Variants in MACROD2 observed in about 807,000 individuals in gnomAD.
The protein encoded by MACROD2 is mono-ADP ribosylhydrolase 2.
Under a neutral mutation model 70.4 loss-of-function variants are expected in MACROD2, and 36 were observed. That is an observed-to-expected ratio of 0.51 (90% CI 0.39 to 0.68). The LOEUF is 0.68. Ranked by LOEUF, MACROD2 falls within the 30% of genes least tolerant of loss-of-function variation. The pLI, the probability that MACROD2 is intolerant of heterozygous loss-of-function variation, is 0.00. For synonymous variants in MACROD2, 172 were observed against 178.8 expected (o/e 0.96, Z 0.30); for missense variants, 496 against 538.4 (o/e 0.92, Z 0.78).
intron 5 of MACROD2, among the ~76,000 whole-genome samples, chr20:15,191,931 TAG>T (rs10638417): frequency 2.8e-5 from 4 of 142,282 alleles, no homozygotes; most frequent in South Asian, 2.3e-4. Context: ...TATATATATA[TAG>T]AGAGAGAGAG....
At chr20:14,624,631 C>T (rs779315229) in intron 4 of MACROD2, among the ~76,000 whole-genome samples, 24 of 152,174 alleles carry the variant, frequency 1.6e-4, no homozygotes, top group Non-Finnish European at 3.2e-4. Context: ...GAAACTACTA[C>T]ATCTGGGATT....
intron 8 of MACROD2, among the ~76,000 whole-genome samples, chr20:15,812,831 A>G (rs1275053080): frequency 6.6e-6 from 1 of 152,156 alleles, no homozygotes; most frequent in Admixed American, 6.6e-5. Flanking sequence ...TTCATAAATA[A>G]TTTTCTAGAG....
intron 3 of MACROD2, among the ~76,000 whole-genome samples, chr20:14,233,596 C>T (rs2081839831): frequency 6.8e-6 from 1 of 147,936 alleles, no homozygotes. Context: ...ACTCGGGAGG[C>T]TGAGGCAGGA....
chr20:14,526,224 A>T (rs1410884371), intron 4 of MACROD2, among the ~76,000 whole-genome samples: 2 of 152,214 alleles, frequency 1.3e-5, no homozygotes, highest in African/African-American at 2.4e-5. Context: ...ATTTTTTCAT[A>T]CTGTCTCTAA....
chr20:15,547,419 A>G (rs148253917), intron 8 of MACROD2, among the ~76,000 whole-genome samples: 118 of 152,164 alleles, frequency 7.8e-4, no homozygotes, highest in Middle Eastern at 3.4e-3. Flanking sequence ...TCCCCTAACA[A>G]TCTGTCCATG....
At chr20:15,638,890 G>C (rs1373330265) in intron 8 of MACROD2, among the ~76,000 whole-genome samples, 1 of 152,174 alleles carries the variant, frequency 6.6e-6, no homozygotes, top group Admixed American at 6.5e-5. Flanking sequence ...ACTCCATCCG[G>C]AACAGAGTTG....
At chr20:15,327,186 A>G (rs1191909265) in intron 6 of MACROD2, among the ~76,000 whole-genome samples, 1 of 152,160 alleles carries the variant, frequency 6.6e-6, no homozygotes, top group East Asian at 1.9e-4. Context: ...TAATCTAATA[A>G]TAACAAACTG....
chr20:15,393,090 G>A (rs1403925929), intron 6 of MACROD2, among the ~76,000 whole-genome samples: 26 of 151,944 alleles, frequency 1.7e-4, no homozygotes, highest in Admixed American at 1.6e-3. Context: ...TCTAAGAGTG[G>A]CCTATAATTC....
chr20:15,010,290 T>C (rs1006639816), intron 5 of MACROD2, among the ~76,000 whole-genome samples: 2 of 152,188 alleles, frequency 1.3e-5, no homozygotes, highest in Admixed American at 1.3e-4. Context: ...GCCACTTAGG[T>C]AGTTACACAT....
At chr20:14,160,995 C>T (rs1490913263) in intron 3 of MACROD2, among the ~76,000 whole-genome samples, 1 of 152,052 alleles carries the variant, frequency 6.6e-6, no homozygotes, top group African/African-American at 2.4e-5. Flanking sequence ...CCCTTACACC[C>T]TCTCTCCTTT....
chr20:15,877,070 A>C (rs573678440), intron 9 of MACROD2, among the ~76,000 whole-genome samples: 1 of 152,170 alleles, frequency 6.6e-6, no homozygotes, highest in Admixed American at 6.6e-5. Context: ...ATTTGATCAC[A>C]TGACCCTTTA....
At chr20:14,751,693 G>A (rs1203310452) in intron 5 of MACROD2, among the ~76,000 whole-genome samples, 3 of 152,140 alleles carry the variant, frequency 2.0e-5, no homozygotes, top group Admixed American at 1.3e-4. Flanking sequence ...CTCATGGGAA[G>A]AGCAGAAGCA....
At chr20:14,775,594 T>C (rs573785190) in intron 5 of MACROD2, among the ~76,000 whole-genome samples, 16 of 152,062 alleles carry the variant, frequency 1.1e-4, no homozygotes, top group African/African-American at 3.9e-4. Context: ...CCCATGTCTC[T>C]AACACCTCCC....
rs184360478 is a variant in MACROD2, at chr20:14,050,008, C to T, written c.164-35613C>T. 4.0e-3 allele frequency among the ~76,000 whole-genome samples: 595 copies of T among 149,958 alleles called. 2 individuals are homozygous for T. Among genetic ancestry groups the T allele is most frequent in the Middle Eastern group, 0.014 (4 of 286 alleles). On this transcript the variant is annotated intron_variant, in intron 2 of 17. Transcript: ENST00000684519. ...CAGAGGCAGGAGAATCGCTTCAACC[C>T]GGGAGGCACGGAGGTTGCAGTGAGC...
chr20:15,900,026 A>G (rs545297263), intron 10 of MACROD2, among the ~76,000 whole-genome samples: 1 of 152,246 alleles, frequency 6.6e-6, no homozygotes, highest in African/African-American at 2.4e-5. Context: ...TTTTCTATGC[A>G]TATTAAAGTA....
chr20:15,144,986 CAT>C (rs2076220019), intron 5 of MACROD2, among the ~76,000 whole-genome samples: 7 of 152,046 alleles, frequency 4.6e-5, no homozygotes, highest in Admixed American at 4.6e-4. Flanking sequence ...TTGTGTGGTA[CAT>C]ATATGAGGGA....
chr20:14,652,333 T>C (rs1985719678), intron 4 of MACROD2, among the ~76,000 whole-genome samples: 1 of 152,218 alleles, frequency 6.6e-6, no homozygotes, highest in Non-Finnish European at 1.5e-5. Flanking sequence ...TTTTATCTCA[T>C]ATAACAAGAG....
At chr20:14,430,622 T>A (rs2083984807) in intron 3 of MACROD2, among the ~76,000 whole-genome samples, 1 of 152,108 alleles carries the variant, frequency 6.6e-6, no homozygotes, top group Non-Finnish European at 1.5e-5. Flanking sequence ...TGTGGCAAAA[T>A]CTGTTAGTTG....
chr20:15,429,583 G>A (rs2046340106), intron 6 of MACROD2, among the ~76,000 whole-genome samples: 1 of 151,972 alleles, frequency 6.6e-6, no homozygotes, highest in Non-Finnish European at 1.5e-5. Flanking sequence ...ATGCAATAGT[G>A]TTAATAGAAA....
Sources: allele counts gnomAD v4.1 joint callset (sites outside exome capture counted in the v4.1 genomes callset), GRCh38; gene constraint gnomAD v4.1.1; transcripts MANE v1.5; gene names NCBI Gene and HGNC (gene_info 2026-07-23, HGNC 2026-07-21).